The following NEXMIF variants were observed in gnomAD, a reference collection of about 807,000 sequenced individuals.
The protein encoded by NEXMIF is neurite extension and migration factor, also known as XLMR protein related to neurite extension.
In NEXMIF, 8 loss-of-function variants were observed where a neutral mutation model predicts 62.1. That is an observed-to-expected ratio of 0.13 (90% CI 0.08 to 0.23). The LOEUF (loss-of-function observed/expected upper bound fraction) is 0.23, where lower values mean the gene tolerates loss of function less well. NEXMIF is among the 10% of genes least tolerant of loss of function. NEXMIF has a pLI of 1.00. For missense variants in NEXMIF, 976 were observed against 1,113.3 expected, an observed-to-expected ratio of 0.88 and a Z score of 1.75; for synonymous variants, 404 against 416.6, an observed-to-expected ratio of 0.97 and a Z score of 0.37.
chrX:74,814,814 G>A (rs1301953630), intron 1 of NEXMIF, among the ~76,000 whole-genome samples: 1 of 111,936 alleles, frequency 8.9e-6, no homozygotes, highest in Non-Finnish European at 1.9e-5. Flanking sequence ...AGAACCTCAG[G>A]AAACTTTCCA....
chrX:74,807,488 A>G (rs751204011), intron 1 of NEXMIF, among the ~76,000 whole-genome samples: 1 of 107,906 alleles, frequency 9.3e-6, no homozygotes, highest in Non-Finnish European at 1.9e-5. Flanking sequence ...TTTGACATGG[A>G]GTCTTGCTTT....
At position 74,742,539 on chromosome X, in the gene NEXMIF, C is replaced by T; in HGVS notation, c.2018G>A (p.Gly673Asp). 1 of 1,209,080 alleles carries T rather than the reference C, an allele frequency of 8.3e-7. No individual in the cohort carries two copies. Among genetic ancestry groups the T allele is most frequent in the Admixed American group, 2.2e-5 (1 of 45,847 alleles). ...ACCCAGAGGTGCTGACTTCAGTGTA[C>T]CTTTTAGGCCTCCATCTTCTTTATG... ...SNHKEDGGLK[G>D]TLKSAPLGAP... Residue 673 changes from glycine (G) to aspartate (D), a missense_variant, in exon 3 of 4, where the codon GGT (glycine) becomes GAT (aspartate). Physicochemically the swap from Gly to Asp is moderately conservative, Grantham distance 94. Around this residue, in one of 5 missense-constraint regions of NEXMIF, gnomAD observed 639 missense variants for 694.5 expected, o/e 0.92. Coordinates refer to ENST00000055682, the MANE Select transcript of NEXMIF (RefSeq NM_001008537.3).
rs753677307 is a variant in NEXMIF, at chrX:74,851,997, T to C, written c.-48+72886A>G. ...ATCTTGAATGTAAACAAATGAGGCATTCCACTTAAAAGATATAGATGGGCT... is the reference window on the plus strand; with the variant it reads ...ATCTTGAATGTAAACAAATGAGGCACTCCACTTAAAAGATATAGATGGGCT... On this transcript the variant is annotated intron_variant, in intron 1 of 3. Transcript: ENST00000055682. Among the ~76,000 whole-genome samples, 14 of 110,996 alleles carry C rather than the reference T, an allele frequency of 1.3e-4. No individual in the cohort carries two copies. The South Asian group carries it at 5.4e-3, about 42-fold the overall frequency.
rs1399203264 is a variant in NEXMIF at position 74,733,451 on chromosome X, A to G, written c.*5954T>C. 1 of 112,206 alleles carries G rather than the reference A, an allele frequency of 8.9e-6. No individual in the cohort carries two copies. Among genetic ancestry groups the G allele is most frequent in the Non-Finnish European group, 1.9e-5 (1 of 53,224 alleles). 9.2% of individuals were successfully genotyped at this position (112,206 alleles called of 1,213,427 possible). A position where few individuals can be genotyped will look rare whatever the true frequency, so the allele number is the denominator to read the frequency against. ...TGGTCTGTGATGGATTGCAAAAACT[A>G]TTGGTCCCTCACCACAGATAGTTTG... On this transcript the variant is annotated 3_prime_UTR_variant, in exon 4 of 4. Transcript: ENST00000055682.
At chrX:74,826,872 T>C (rs1441090582) in intron 1 of NEXMIF, among the ~76,000 whole-genome samples, 2 of 111,925 alleles carry the variant, frequency 1.8e-5, no homozygotes, top group African/African-American at 6.5e-5. Context: ...ATGATTCTAA[T>C]ATTAAATTTA....
Position 74,868,631 on chromosome X carries a change from TG to T in NEXMIF, c.-48+56251del, listed in dbSNP as rs1210731871. Among the ~76,000 whole-genome samples the T allele has an allele frequency of 5.1e-4, 24 of 47,273 alleles. No individual in the cohort carries two copies. The Admixed American group carries it at 6.0e-3, about 12-fold the overall frequency. The allele number at this position is 47,273 out of a possible 115,157, so 41.1% of individuals were successfully genotyped here. On this transcript the variant is annotated intron_variant, in intron 1 of 3. Coordinates refer to ENST00000055682, the MANE Select transcript of NEXMIF (RefSeq NM_001008537.3). ...ACATGCACTGGGGCCTGTTGGGGGG[TG>T]GGGGGGAAGAAGAGCATCAGGATAA...
At chrX:74,746,998 C>T (rs2080127857) in intron 1 of NEXMIF, among the ~76,000 whole-genome samples, 1 of 111,915 alleles carries the variant, frequency 8.9e-6, no homozygotes. Flanking sequence ...AAGTCCCCAC[C>T]CTTTGTCAAG....
intron 1 of NEXMIF, among the ~76,000 whole-genome samples, chrX:74,873,383 T>G (rs892640418): frequency 1.9e-4 from 21 of 112,256 alleles, no homozygotes; most frequent in African/African-American, 6.8e-4. Flanking sequence ...CTTAATCCAG[T>G]CTATCATTGT....
At chrX:74,887,359 A>G (rs1331423918) in intron 1 of NEXMIF, among the ~76,000 whole-genome samples, 1 of 111,381 alleles carries the variant, frequency 9.0e-6, no homozygotes, top group East Asian at 2.9e-4. Flanking sequence ...CAGAGTGAAC[A>G]GGCAACCTAC....
At chrX:74,843,699 C>A (rs2080481764) in intron 1 of NEXMIF, among the ~76,000 whole-genome samples, 1 of 112,199 alleles carries the variant, frequency 8.9e-6, no homozygotes, top group South Asian at 3.7e-4. Flanking sequence ...CAGGCGTGAG[C>A]CACCGTGCCC....
chrX:74,815,407 A>T (rs2080372789), intron 1 of NEXMIF, among the ~76,000 whole-genome samples: 1 of 110,775 alleles, frequency 9.0e-6, no homozygotes, highest in Admixed American at 9.7e-5. Context: ...TGCTAGCAAT[A>T]CCCTATGTTA....
At chrX:74,866,609 T>C (rs1388490614) in intron 1 of NEXMIF, among the ~76,000 whole-genome samples, 1 of 112,609 alleles carries the variant, frequency 8.9e-6, no homozygotes, top group Non-Finnish European at 1.9e-5. Flanking sequence ...AAATCTCATC[T>C]TGAATTGTAG....
chrX:74,842,918 C>A (rs1329964355), intron 1 of NEXMIF, among the ~76,000 whole-genome samples: 6 of 111,889 alleles, frequency 5.4e-5, no homozygotes, highest in Admixed American at 4.7e-4. Flanking sequence ...AGAGTATGTG[C>A]CACGTGGCAA....
intron 1 of NEXMIF, among the ~76,000 whole-genome samples, chrX:74,883,224 C>G (rs770522607): frequency 9.0e-6 from 1 of 111,695 alleles, no homozygotes; most frequent in South Asian, 3.8e-4. Context: ...ACCGGAAACT[C>G]TAAAAATCAG....
At chrX:74,800,813 A>T (rs2080327432) in intron 1 of NEXMIF, among the ~76,000 whole-genome samples, 2 of 111,264 alleles carry the variant, frequency 1.8e-5, no homozygotes, top group Non-Finnish European at 3.8e-5. Flanking sequence ...ACTAATGTTG[A>T]TAGACTGTTA....
chrX:74,747,595 G>T (rs1253748811), intron 1 of NEXMIF, among the ~76,000 whole-genome samples: 1 of 110,028 alleles, frequency 9.1e-6, no homozygotes, highest in South Asian at 3.9e-4. Context: ...AATGTACCAT[G>T]AAATATATAT....
At chrX:74,756,204 G>A (rs926740867) in intron 1 of NEXMIF, among the ~76,000 whole-genome samples, 1 of 111,465 alleles carries the variant, frequency 9.0e-6, no homozygotes, top group Non-Finnish European at 1.9e-5. Flanking sequence ...CTCGTGATCC[G>A]CCCGCCTCGG....
chrX:74,862,825 C>T (rs1336634057), intron 1 of NEXMIF, among the ~76,000 whole-genome samples: 3 of 110,765 alleles, frequency 2.7e-5, no homozygotes, highest in African/African-American at 9.9e-5. Flanking sequence ...ATCTCTGGAA[C>T]GCAGCTAAAG....
chrX:74,770,154 AC>A (rs1375740530), intron 1 of NEXMIF, among the ~76,000 whole-genome samples: 2 of 111,973 alleles, frequency 1.8e-5, no homozygotes, highest in African/African-American at 6.5e-5. Context: ...ACTTTGTATG[AC>A]CTTTTCTGGC....
Sources: gnomAD v4.1 joint callset for allele counts (sites outside exome capture counted in the v4.1 genomes callset) on GRCh38, gnomAD v4.1.1 for gene constraint, gnomAD v4.1.1 regional missense constraint, MANE v1.5 for transcripts, NCBI Gene and HGNC (gene_info 2026-07-23, HGNC 2026-07-21) for gene names.